Variants in RPS6KC1 observed in about 807,000 individuals in gnomAD.
RPS6KC1 encodes ribosomal protein S6 kinase C1.
RPS6KC1 carries 54 observed loss-of-function variants against 103.8 expected under a neutral mutation model. That is an observed-to-expected ratio of 0.52 (90% CI 0.42 to 0.65). RPS6KC1 has a LOEUF of 0.65. Ranked by LOEUF, RPS6KC1 falls within the 30% of genes least tolerant of loss-of-function variation. The pLI is 0.00. For missense variants in RPS6KC1, 1,151 were observed against 1,253.8 expected (o/e 0.92, Z 1.24); for synonymous variants, 439 against 438.7 (o/e 1.00, Z -0.01).
chr1:213,418,378 C>T, the RPS6KC1 span, among the ~76,000 whole-genome samples: 1 of 151,972 alleles, frequency 6.6e-6, no homozygotes, highest in African/African-American at 2.4e-5. Flanking sequence ...CACAGCTTCG[C>T]CCTGAGGAGA....
the RPS6KC1 span, among the ~76,000 whole-genome samples, chr1:213,702,568 A>G: frequency 6.6e-6 from 1 of 151,972 alleles, no homozygotes; most frequent in African/African-American, 2.4e-5. Flanking sequence ...AGCTCTAATA[A>G]TATTTGTTTT....
intron 1 of RPS6KC1, 57 bp from the exon 2 acceptor site, chr1:213,070,949 A>G: frequency 9.4e-7 from 1 of 1,066,944 alleles, no homozygotes; most frequent in South Asian, 1.5e-5. Flanking sequence ...AATTATACAA[A>G]TATGAAATCT....
At chr1:213,673,180 C>T in the RPS6KC1 span, among the ~76,000 whole-genome samples, 1 of 152,190 alleles carries the variant, frequency 6.6e-6, no homozygotes, top group Non-Finnish European at 1.5e-5. Flanking sequence ...CATGGATCAG[C>T]AGCTCAGTGA....
At chr1:213,169,816 C>T in intron 7 of RPS6KC1, among the ~76,000 whole-genome samples, 1 of 138,062 alleles carries the variant, frequency 7.2e-6, no homozygotes, top group East Asian at 2.1e-4. Context: ...GAGTCTCGCT[C>T]TGTCACCCAG....
intron 6 of RPS6KC1, among the ~76,000 whole-genome samples, chr1:213,161,194 G>A (rs1356228704): frequency 1.3e-5 from 2 of 152,136 alleles, no homozygotes; most frequent in Non-Finnish European, 2.9e-5. Flanking sequence ...GGAGGGGCAG[G>A]AATAAATGAT....
chr1:213,241,575 A>G lies in RPS6KC1; in HGVS notation c.2099A>G (p.Glu700Gly). Residue 700 changes from glutamate (E) to glycine (G), a missense_variant, in exon 11 of 15, where the codon GAG (glutamate) becomes GGG (glycine). This residue lies in a region of RPS6KC1 where 959 missense variants were observed against 1,006.3 expected (regional missense o/e 0.95). Coordinates refer to ENST00000366960, the MANE Select transcript of RPS6KC1 (RefSeq NM_012424.6). ...CTTGTAAATTTACCTGGTGAATTGG[A>G]GTCAACAAGAGAAGCTGCAGCAATG... Reference protein sequence around the residue: ...DLLVNLPGELESTREAAAMGP... With the variant: ...DLLVNLPGELGSTREAAAMGP... 1 of 1,613,990 alleles carries G rather than the reference A, an allele frequency of 6.2e-7. No individual in the cohort carries two copies. The highest frequency in any genetic ancestry group is 1.1e-5 in the South Asian group (1 of 91,078).
the RPS6KC1 span, among the ~76,000 whole-genome samples, chr1:213,657,163 AAAAG>A: frequency 6.6e-5 from 10 of 152,346 alleles, no homozygotes; most frequent in African/African-American, 2.2e-4. Context: ...CAAGTGAAAA[AAAAG>A]TAATCAAAGG....
the RPS6KC1 span, among the ~76,000 whole-genome samples, chr1:213,812,660 C>T: frequency 4.6e-5 from 7 of 152,128 alleles, no homozygotes; most frequent in Admixed American, 3.3e-4. Context: ...TATTTATTCC[C>T]AGATAAATTG....
chr1:213,120,589 A>G (rs2084268595), intron 5 of RPS6KC1, among the ~76,000 whole-genome samples: 2 of 152,202 alleles, frequency 1.3e-5, no homozygotes, highest in South Asian at 4.1e-4. Context: ...GGGTTGTTAG[A>G]GGGATCGTGG....
At chr1:213,063,239 T>C (rs1275645041) in intron 1 of RPS6KC1, among the ~76,000 whole-genome samples, 1 of 152,274 alleles carries the variant, frequency 6.6e-6, no homozygotes, top group African/African-American at 2.4e-5. Flanking sequence ...TACCTAACTG[T>C]AATGCCTATA....
At chr1:213,362,337 C>T in the RPS6KC1 span, among the ~76,000 whole-genome samples, 1 of 152,190 alleles carries the variant, frequency 6.6e-6, no homozygotes, top group Non-Finnish European at 1.5e-5. Flanking sequence ...CTAATACCTT[C>T]ACATCTCCAG....
At chr1:213,843,891 G>A in the RPS6KC1 span, among the ~76,000 whole-genome samples, 1 of 151,162 alleles carries the variant, frequency 6.6e-6, no homozygotes, top group Non-Finnish European at 1.5e-5. Flanking sequence ...GCTTCTTGGT[G>A]TAAGAAAAAG....
the RPS6KC1 span, among the ~76,000 whole-genome samples, chr1:213,515,312 T>G: frequency 6.6e-6 from 1 of 152,240 alleles, no homozygotes; most frequent in Non-Finnish European, 1.5e-5. Context: ...CCCATGCCTA[T>G]GTCCTGAATG....
the RPS6KC1 span, among the ~76,000 whole-genome samples, chr1:213,725,291 T>G: frequency 6.6e-6 from 1 of 152,238 alleles, no homozygotes; most frequent in African/African-American, 2.4e-5. Context: ...GACAGCAGCA[T>G]GAAATATTTT....
chr1:213,403,222 C>A, the RPS6KC1 span, among the ~76,000 whole-genome samples: 1 of 152,106 alleles, frequency 6.6e-6, no homozygotes, highest in African/African-American at 2.4e-5. Flanking sequence ...ATCCACTTGC[C>A]ACGCTTTTCA....
chr1:213,085,972 A>C (rs1298847775), intron 3 of RPS6KC1, among the ~76,000 whole-genome samples: 2 of 151,832 alleles, frequency 1.3e-5, no homozygotes, highest in African/African-American at 4.8e-5. Flanking sequence ...CAAGATGTTC[A>C]GTGCTCATCT....
chr1:213,066,534 C>T (rs1303794360), intron 1 of RPS6KC1, among the ~76,000 whole-genome samples: 2 of 152,184 alleles, frequency 1.3e-5, no homozygotes, highest in Admixed American at 1.3e-4. Flanking sequence ...GCATAATAAT[C>T]ATGAGTTACT....
At chr1:213,122,087 C>A (rs1485055537) in intron 5 of RPS6KC1, among the ~76,000 whole-genome samples, 2 of 151,976 alleles carry the variant, frequency 1.3e-5, no homozygotes, top group Admixed American at 1.3e-4. Context: ...TGTAACGGAT[C>A]CCTTAAATGA....
chr1:213,574,811 G>A, the RPS6KC1 span, among the ~76,000 whole-genome samples: 1 of 152,134 alleles, frequency 6.6e-6, no homozygotes, highest in Non-Finnish European at 1.5e-5. Flanking sequence ...GAGGGTACTG[G>A]GTAAACTAAG....
Sources: gnomAD v4.1 joint callset for allele counts (sites outside exome capture counted in the v4.1 genomes callset) on GRCh38, gnomAD v4.1.1 for gene constraint, gnomAD v4.1.1 regional missense constraint, MANE v1.5 for transcripts, NCBI Gene and HGNC (gene_info 2026-07-23, HGNC 2026-07-21) for gene names.